Variants in FGF3 observed in about 807,000 individuals in gnomAD.
The protein encoded by FGF3 is fibroblast growth factor 3.
A neutral mutation model predicts 9.8 loss-of-function variants in FGF3; 7 were observed. The observed-to-expected ratio is 0.72, with a 90% CI of 0.41 to 1.35. The LOEUF (loss-of-function observed/expected upper bound fraction) is 1.35. FGF3 is among the 40% of genes most tolerant of loss of function. The pLI is 0.01. For synonymous variants in FGF3, 173 were observed against 157.2 expected (o/e 1.10, Z -0.75); for missense variants, 390 against 345.6 (o/e 1.13, Z -1.02).
rs1244022669 is a variant in FGF3 at position 69,810,219 on chromosome 11, G to C, written c.*86C>G. The stretch of plus-strand genomic sequence containing the variant: ...GAGAACCCAGACGCGGGACGCAGGG[G>C]CAAGGGCTCAAGGAGGAGAGTCAGA... On this transcript the variant is annotated 3_prime_UTR_variant, in exon 3 of 3. Coordinates refer to ENST00000334134, the MANE Select transcript of FGF3 (RefSeq NM_005247.4). 3.1e-6 allele frequency: 4 copies of C among 1,296,768 alleles called. No homozygotes were observed. The highest frequency in any genetic ancestry group is 4.2e-6 in the Non-Finnish European group (4 of 957,936). The allele number at this position is 1,296,768 out of a possible 1,614,324, so 80.3% of individuals were successfully genotyped here. A position where few individuals can be genotyped will look rare whatever the true frequency, so the allele number is the denominator to read the frequency against.
chr11:69,810,642 G>C lies in FGF3; in HGVS notation c.383C>G (p.Thr128Arg). The change falls in exon 3 of 3, where the codon ACG (threonine) becomes AGG (arginine). Residue 128 changes from threonine (T) to arginine (R), a missense_variant. Coordinates refer to ENST00000334134, the MANE Select transcript of FGF3 (RefSeq NM_005247.4). ...VERIHELGYN[T>R]YASRLYRTVS... ...CGTCCGGTACAGCCGGGAGGCATAC[G>C]TATTATAGCCCAGCTCGTGGATCCG... The C allele has an allele frequency of 1.3e-6, 2 of 1,598,882 alleles. No individual in the cohort carries two copies. The highest frequency in any genetic ancestry group is 1.7e-5 in the Admixed American group (1 of 59,114).
chr11:69,819,001 C>T lies in FGF3; in HGVS notation c.-68G>A. ...AGCGCGGCGCCCATGGAAGGGGCGG[C>T]AGCCGGACAGCTGCGAGGTGCTCGG... On this transcript the variant is annotated 5_prime_UTR_variant, in exon 1 of 3. Transcript: ENST00000334134. 3 of 1,065,932 alleles carry T rather than the reference C, an allele frequency of 2.8e-6. No individual in the cohort carries two copies. The highest frequency in any genetic ancestry group is 1.3e-6 in the Non-Finnish European group (1 of 778,232). 66.0% of individuals were successfully genotyped at this position (1,065,932 alleles called of 1,614,324 possible). A position where few individuals can be genotyped will look rare whatever the true frequency, so the allele number is the denominator to read the frequency against.
At position 69,818,760 on chromosome 11, in the gene FGF3, C is replaced by T. The variant is rs2119939443; in HGVS notation, c.174G>A (p.Leu58=). 6.0e-6 allele frequency: 9 copies of T among 1,495,594 alleles called. No individual in the cohort carries two copies. Among genetic ancestry groups the T allele is most frequent in the South Asian group, 3.7e-5 (3 of 80,030 alleles). The allele number at this position is 1,495,594 out of a possible 1,614,324, so 92.6% of individuals were successfully genotyped here. A position where few individuals can be genotyped will look rare whatever the true frequency, so the allele number is the denominator to read the frequency against. The change falls in exon 1 of 3, where the codon CTG becomes CTA. Residue 58 remains leucine, a synonymous_variant. Transcript: ENST00000334134. ...TGCCGTTGACGCGGCCGCTCGGGTG[C>T]AGCTGGAGGTGGTACTTCGTGGCGC... is the stretch of plus-strand genomic sequence containing the variant. ...LYCATKYHLQ[L]HPSGRVNGSL...
In FGF3 at chr11:69,810,045, C is replaced by T. The variant is rs117217211; in HGVS notation, c.*260G>A. ...TGCTCCTGGGAGGCTCCTCAGTCTG[C>T]CAGGGCTGGCACTCAGGCCCTTCCC... On this transcript the variant is annotated 3_prime_UTR_variant, in exon 3 of 3. Transcript: ENST00000334134. 6,376 of 456,406 alleles carry T rather than the reference C, an allele frequency of 0.014. 61 individuals are homozygous for T. Among genetic ancestry groups the T allele is most frequent in the Admixed American group, 0.019 (483 of 25,808 alleles). The allele number at this position is 456,406 out of a possible 1,614,324, so 28.3% of individuals were successfully genotyped here.
In FGF3 at chr11:69,818,993, A is replaced by AG; in HGVS notation, c.-61dup. On this transcript the variant is annotated 5_prime_UTR_variant, in exon 1 of 3. Transcript: ENST00000334134. Reference sequence around the variant, plus strand: ...TGCAGGCGAGCGCGGCGCCCATGGAAGGGGCGGCAGCCGGACAGCTGCGAG... The same window carrying AG: ...TGCAGGCGAGCGCGGCGCCCATGGAAGGGGGCGGCAGCCGGACAGCTGCGAG... 1 of 1,175,268 alleles carries AG rather than the reference A, an allele frequency of 8.5e-7. No individual in the cohort carries two copies. The highest frequency in any genetic ancestry group is 1.6e-5 in the South Asian group (1 of 62,116). The allele number at this position is 1,175,268 out of a possible 1,614,324, so 72.8% of individuals were successfully genotyped here.
At chr11:69,814,059 A>G (rs1565115266) in intron 2 of FGF3, among the ~76,000 whole-genome samples, 1 of 151,724 alleles carries the variant, frequency 6.6e-6, no homozygotes, top group Non-Finnish European at 1.5e-5. Flanking sequence ...GGATGGAAAG[A>G]AGGATGAGAG....
chr11:69,814,847 C>T (rs1856100143), intron 2 of FGF3, among the ~76,000 whole-genome samples: 1 of 152,170 alleles, frequency 6.6e-6, no homozygotes. Flanking sequence ...GCACGGAAGC[C>T]CCAGGTGGGC....
intron 2 of FGF3, 84 bp from the exon 3 acceptor site, chr11:69,810,784 C>G (rs924688057): frequency 1.5e-5 from 19 of 1,284,312 alleles, no homozygotes; most frequent in African/African-American, 4.5e-5. Context: ...CCTCCCTCCC[C>G]TCCTGTGAGG....
chr11:69,818,503 G>C (rs950346598), intron 1 of FGF3, among the ~76,000 whole-genome samples: 1 of 152,022 alleles, frequency 6.6e-6, no homozygotes, highest in Non-Finnish European at 1.5e-5. Flanking sequence ...TCTCCCGGAC[G>C]TGTAGGTTGA....
chr11:69,818,425 C>A (rs542712502), intron 1 of FGF3, among the ~76,000 whole-genome samples: 3 of 152,280 alleles, frequency 2.0e-5, no homozygotes, highest in Non-Finnish European at 4.4e-5. Flanking sequence ...CTCTGACAGC[C>A]GCCGGCGCCC....
chr11:69,817,328 G>A (rs569637307), intron 1 of FGF3, among the ~76,000 whole-genome samples: 43 of 152,230 alleles, frequency 2.8e-4, no homozygotes, highest in African/African-American at 9.9e-4. Context: ...CTCCAGCCCA[G>A]GGGTGCTGTG....
chr11:69,816,138 C>T (rs1425313082), intron 2 of FGF3, among the ~76,000 whole-genome samples, 182 bp downstream of exon 2: 1 of 152,184 alleles, frequency 6.6e-6, no homozygotes, highest in Admixed American at 6.5e-5. Context: ...CGCGGAGCAG[C>T]CTCTAACAGA....
In FGF3 at chr11:69,818,877, C is replaced by A. The variant is rs991290232; in HGVS notation, c.57G>T (p.Ala19=). ...LSLLEPGWPA[A]GPGARLRRDA... ...CGCGCCGCAACCGCGCCCCAGGGCC[C>A]GCTGCGGGCCAGCCGGGCTCCAGCA... is the stretch of plus-strand genomic sequence containing the variant. The change falls in exon 1 of 3, where the codon GCG becomes GCT. Residue 19 remains alanine, a synonymous_variant. Coordinates refer to ENST00000334134, the MANE Select transcript of FGF3 (RefSeq NM_005247.4). The A allele has an allele frequency of 6.8e-7, 1 of 1,462,612 alleles. No homozygotes were observed. Among genetic ancestry groups the A allele is most frequent in the Non-Finnish European group, 9.0e-7 (1 of 1,113,566 alleles). 90.6% of individuals were successfully genotyped at this position (1,462,612 alleles called of 1,614,324 possible).
Position 69,819,215 on chromosome 11 carries a change from A to G in FGF3, c.-282T>C, listed in dbSNP as rs1163720817. Among the ~76,000 whole-genome samples the G allele has an allele frequency of 2.0e-5, 3 of 152,036 alleles. No homozygotes were observed. The highest frequency in any genetic ancestry group is 2.9e-5 in the Non-Finnish European group (2 of 67,982). ...CCGTTGCTGCGCAAAGCGCTGAAAG[A>G]AAGGACGGTTCGCCAACAAAAGGCC... is the stretch of plus-strand genomic sequence containing the variant. On this transcript the variant is annotated 5_prime_UTR_variant, in exon 1 of 3. Coordinates refer to ENST00000334134, the MANE Select transcript of FGF3 (RefSeq NM_005247.4).
At chr11:69,813,934 G>GGATGGATA in intron 2 of FGF3, among the ~76,000 whole-genome samples, 5 of 39,684 alleles carry the variant, frequency 1.3e-4, no homozygotes, top group Non-Finnish European at 3.1e-4. Flanking sequence ...ATTGGTGGAT[G>GGATGGATA]GGTTGATGGG....
intron 2 of FGF3, among the ~76,000 whole-genome samples, chr11:69,810,970 G>A (rs1554980426): frequency 6.6e-6 from 1 of 152,204 alleles, no homozygotes; most frequent in African/African-American, 2.4e-5. Flanking sequence ...CTGCTCTCTG[G>A]GTTCCACCAG....
intron 2 of FGF3, among the ~76,000 whole-genome samples, chr11:69,814,073 GGAAA>G (rs2119921931): frequency 6.6e-6 from 1 of 151,868 alleles, no homozygotes; most frequent in Non-Finnish European, 1.5e-5. Flanking sequence ...ATGAGAGAAA[GGAAA>G]GAAGGAAGGA....
chr11:69,810,403 G>A lies in FGF3; in HGVS notation c.622C>T (p.Pro208Ser), dbSNP rs910069209. 1.9e-6 allele frequency: 3 copies of A among 1,566,834 alleles called. No homozygotes were observed. Among genetic ancestry groups the A allele is most frequent in the Non-Finnish European group, 2.6e-6 (3 of 1,152,136 alleles). Residue 208 changes from proline (P) to serine (S), a missense_variant, in exon 3 of 3, where the codon CCC becomes TCC. Physicochemically the swap from Pro to Ser is moderately conservative, Grantham distance 74 (BLOSUM62 -1). Coordinates refer to ENST00000334134, the MANE Select transcript of FGF3 (RefSeq NM_005247.4). The stretch of plus-strand genomic sequence containing the variant: ...CTCTGCTTCTGCCGCCGCCGTCGGG[G>A]CTGGACCCCCTTACCAGGGGGTCTG... ...LPRPPGKGVQ[P>S]RRRRQKQSPD...
intron 2 of FGF3, 25 bp from the exon 3 acceptor site, chr11:69,810,725 A>G (rs782499774): frequency 2.6e-6 from 4 of 1,552,782 alleles, no homozygotes; most frequent in Non-Finnish European, 3.5e-6. Context: ...TATCATGGTC[A>G]GTGCCCCGGG....
Sources: allele counts gnomAD v4.1 joint callset (sites outside exome capture counted in the v4.1 genomes callset), GRCh38; gene constraint gnomAD v4.1.1; transcripts MANE v1.5; gene names NCBI Gene and HGNC (gene_info 2026-07-23, HGNC 2026-07-21).